The following ATRNL1 variants were observed in gnomAD, a reference collection of about 807,000 sequenced individuals.
ATRNL1 encodes attractin-like protein 1.
Under a neutral mutation model 182.7 loss-of-function variants are expected in ATRNL1, and 95 were observed. That is an observed-to-expected ratio of 0.52 (90% CI 0.44 to 0.62). The LOEUF (loss-of-function observed/expected upper bound fraction) is 0.62, where lower values mean the gene tolerates loss of function less well. Among genes scored for constraint, ATRNL1 ranks in the 20% least tolerant of loss-of-function variants. ATRNL1 has a pLI of 0.00. For missense variants in ATRNL1, 1,471 were observed against 1,679.5 expected (o/e 0.88, Z 2.17); for synonymous variants, 576 against 568.3 (o/e 1.01, Z -0.19).
intron 28 of ATRNL1, among the ~76,000 whole-genome samples, chr10:115,863,667 A>G (rs989856427): frequency 2.6e-5 from 4 of 152,186 alleles, no homozygotes; most frequent in Non-Finnish European, 4.4e-5. Flanking sequence ...TTGGTATACA[A>G]TTGTATGTTT....
chr10:115,338,550 T>C (rs552011109), intron 19 of ATRNL1, among the ~76,000 whole-genome samples: 1 of 152,330 alleles, frequency 6.6e-6, no homozygotes, highest in South Asian at 2.1e-4. Flanking sequence ...TCTTCAAATA[T>C]TTTGCCCACT....
intron 8 of ATRNL1, among the ~76,000 whole-genome samples, chr10:115,192,713 C>T (rs541417236): frequency 6.7e-6 from 1 of 148,978 alleles, no homozygotes; most frequent in African/African-American, 2.6e-5. Context: ...TTTCCAAATC[C>T]GTTTTTTTGT....
At chr10:115,780,942 C>A (rs1394837778) in intron 27 of ATRNL1, among the ~76,000 whole-genome samples, 1 of 152,016 alleles carries the variant, frequency 6.6e-6, no homozygotes, top group East Asian at 1.9e-4. Flanking sequence ...GGAGGGAGAC[C>A]AGAAGAAGGA....
chr10:115,679,099 C>T (rs1326788018), intron 26 of ATRNL1, among the ~76,000 whole-genome samples: 3 of 152,082 alleles, frequency 2.0e-5, no homozygotes, highest in African/African-American at 7.2e-5. Flanking sequence ...CCTTCTCTTA[C>T]TATTTCCTGG....
At chr10:115,935,464 T>G (rs1953527859) in intron 28 of ATRNL1, among the ~76,000 whole-genome samples, 3 of 152,334 alleles carry the variant, frequency 2.0e-5, no homozygotes, top group Middle Eastern at 3.4e-3. Context: ...AGTTTTGTTT[T>G]TCTTTTTCTT....
At chr10:115,606,515 T>C (rs1430447869) in intron 26 of ATRNL1, among the ~76,000 whole-genome samples, 6 of 152,080 alleles carry the variant, frequency 3.9e-5, no homozygotes, top group African/African-American at 1.4e-4. Flanking sequence ...TGCAGTGCTT[T>C]TTGGGAAAAT....
intron 7 of ATRNL1, among the ~76,000 whole-genome samples, chr10:115,170,376 T>A (rs535226579): frequency 5.3e-5 from 8 of 152,182 alleles, no homozygotes; most frequent in Non-Finnish European, 1.2e-4. Flanking sequence ...GCATTTGAAA[T>A]AATTTGTATA....
chr10:115,765,490 T>A (rs1017326436), intron 27 of ATRNL1, among the ~76,000 whole-genome samples: 3 of 152,214 alleles, frequency 2.0e-5, no homozygotes, highest in Non-Finnish European at 4.4e-5. Flanking sequence ...CAGTCTTTCA[T>A]CCATTGTTAT....
chr10:115,898,923 T>G (rs1565470758), intron 28 of ATRNL1, among the ~76,000 whole-genome samples: 2 of 151,682 alleles, frequency 1.3e-5, no homozygotes, highest in Non-Finnish European at 2.9e-5. Context: ...ATATGAAACT[T>G]TTTTTGTTTC....
chr10:115,094,186 G>A, intron 1 of ATRNL1, 143 bp downstream of exon 1: 1 of 885,930 alleles, frequency 1.1e-6, no homozygotes, highest in Non-Finnish European at 1.5e-6. Flanking sequence ...CGGCGGGAGC[G>A]GGCGAGAGTG....
chr10:115,933,591 GA>G (rs782089690), intron 28 of ATRNL1, among the ~76,000 whole-genome samples: 3 of 152,208 alleles, frequency 2.0e-5, no homozygotes, highest in Non-Finnish European at 4.4e-5. Flanking sequence ...CATAGAACCA[GA>G]AGTGACATTA....
At chr10:115,780,016 C>A (rs1401957762) in intron 27 of ATRNL1, among the ~76,000 whole-genome samples, 3 of 152,196 alleles carry the variant, frequency 2.0e-5, no homozygotes, top group African/African-American at 7.2e-5. Flanking sequence ...AGCAATCACA[C>A]TTTCTGGTTT....
At chr10:115,419,490 A>G (rs902844681) in intron 20 of ATRNL1, among the ~76,000 whole-genome samples, 9 of 152,190 alleles carry the variant, frequency 5.9e-5, no homozygotes, top group African/African-American at 2.2e-4. Flanking sequence ...GGCTGAACGG[A>G]TAGAAAAATA....
intron 26 of ATRNL1, among the ~76,000 whole-genome samples, chr10:115,635,936 T>A (rs912499827): frequency 6.6e-6 from 1 of 152,070 alleles, no homozygotes; most frequent in Admixed American, 6.6e-5. Context: ...TATTTACAGT[T>A]CAATAAAAGA....
At chr10:115,383,826 A>G (rs1858174619) in intron 19 of ATRNL1, among the ~76,000 whole-genome samples, 1 of 151,992 alleles carries the variant, frequency 6.6e-6, no homozygotes, top group African/African-American at 2.4e-5. Context: ...TGTATGTTCA[A>G]ATACTGTAAA....
chr10:115,610,393 A>G (rs1314873401), intron 26 of ATRNL1, among the ~76,000 whole-genome samples: 1 of 152,206 alleles, frequency 6.6e-6, no homozygotes, highest in Non-Finnish European at 1.5e-5. Context: ...CTACAAAAAA[A>G]AGCTTTATTT....
intron 26 of ATRNL1, among the ~76,000 whole-genome samples, chr10:115,656,372 G>A (rs1366117963): frequency 6.6e-6 from 1 of 152,116 alleles, no homozygotes; most frequent in Non-Finnish European, 1.5e-5. Flanking sequence ...TCTTTATAGA[G>A]TTTGCACATT....
At chr10:115,654,442 C>A (rs1297354345) in intron 26 of ATRNL1, among the ~76,000 whole-genome samples, 1 of 152,084 alleles carries the variant, frequency 6.6e-6, no homozygotes, top group East Asian at 1.9e-4. Flanking sequence ...TGGTCTCCAA[C>A]TCCTGACCTC....
At chr10:115,859,952 T>C (rs1951274263) in intron 28 of ATRNL1, among the ~76,000 whole-genome samples, 1 of 152,220 alleles carries the variant, frequency 6.6e-6, no homozygotes, top group African/African-American at 2.4e-5. Context: ...GTAATTCATT[T>C]CCTTTTATCC....
Sources: allele counts gnomAD v4.1 joint callset (sites outside exome capture counted in the v4.1 genomes callset), GRCh38; gene constraint gnomAD v4.1.1; transcripts MANE v1.5; gene names NCBI Gene and HGNC (gene_info 2026-07-23, HGNC 2026-07-21).